The following PDE7A variants were observed in gnomAD, a reference collection of about 807,000 sequenced individuals.
The protein encoded by PDE7A is high affinity 3',5'-cyclic-AMP phosphodiesterase 7A.
Under a neutral mutation model 64.3 loss-of-function variants are expected in PDE7A, and 39 were observed. The observed-to-expected ratio is 0.61, with a 90% CI of 0.47 to 0.79. The LOEUF is 0.79. Ranked by LOEUF, PDE7A falls within the 30% of genes least tolerant of loss-of-function variation. The probability of loss-of-function intolerance (pLI) is 0.00; values close to 1 mark genes in which losing one functional copy is unlikely to be tolerated. For synonymous variants in PDE7A, 203 were observed against 206.8 expected, an observed-to-expected ratio of 0.98 and a Z score of 0.16; for missense variants, 470 against 582.8, an observed-to-expected ratio of 0.81 and a Z score of 1.99.
chr8:65,837,606 G>A (rs1425772534), intron 1 of PDE7A, among the ~76,000 whole-genome samples: 4 of 152,194 alleles, frequency 2.6e-5, no homozygotes, highest in East Asian at 1.9e-4. Flanking sequence ...AAGCAAAGGC[G>A]TCTCATCACT....
At chr8:65,763,866 G>A (rs1040738005) in intron 3 of PDE7A, among the ~76,000 whole-genome samples, 1 of 152,214 alleles carries the variant, frequency 6.6e-6, no homozygotes, top group Non-Finnish European at 1.5e-5. Context: ...CCATTAAACT[G>A]TATTAAGATT....
In PDE7A at chr8:65,718,070, T is replaced by A. The variant is rs1806212758; in HGVS notation, c.*1220A>T. ...GGGAGGGACAAGAAAACAATGCACT[T>A]TTTTCAAATCAAAACAAGAAGTTTG... On this transcript the variant is annotated 3_prime_UTR_variant, in exon 13 of 13. Transcript: ENST00000401827. The A allele has an allele frequency of 6.6e-6, 1 of 152,226 alleles. No individual in the cohort carries two copies. Among genetic ancestry groups the A allele is most frequent in the Non-Finnish European group, 1.5e-5 (1 of 68,036 alleles). 9.4% of individuals were successfully genotyped at this position (152,226 alleles called of 1,614,324 possible). A position where few individuals can be genotyped will look rare whatever the true frequency, so the allele number is the denominator to read the frequency against.
chr8:65,771,738 G>T (rs933356794), intron 3 of PDE7A, among the ~76,000 whole-genome samples: 1 of 151,960 alleles, frequency 6.6e-6, no homozygotes, highest in African/African-American at 2.4e-5. Flanking sequence ...AGCCAGGCGT[G>T]GTGGTGGGTG....
At chr8:65,751,519 CTTG>C (rs1488410783) in intron 3 of PDE7A, among the ~76,000 whole-genome samples, 1 of 150,660 alleles carries the variant, frequency 6.6e-6, no homozygotes, top group East Asian at 1.9e-4. Context: ...GTTGCCCATT[CTTG>C]TTGTTCATTC....
chr8:65,827,868 A>G (rs1451358094), intron 1 of PDE7A, among the ~76,000 whole-genome samples: 1 of 152,186 alleles, frequency 6.6e-6, no homozygotes, highest in East Asian at 1.9e-4. Context: ...ATTTATCAGT[A>G]TGTATCCTCA....
intron 12 of PDE7A, chr8:65,722,740 A>T (rs1371841006): frequency 6.6e-6 from 1 of 152,178 alleles, no homozygotes; most frequent in Non-Finnish European, 1.5e-5. Context: ...CACTCAACAC[A>T]CAGTTCTCAA....
chr8:65,810,950 A>G (rs1188973327), intron 1 of PDE7A, among the ~76,000 whole-genome samples: 1 of 152,196 alleles, frequency 6.6e-6, no homozygotes, highest in Non-Finnish European at 1.5e-5. Flanking sequence ...GCCCACATAC[A>G]ACCAATTAGG....
At chr8:65,730,933 CAG>C (rs1806858689) in intron 7 of PDE7A, among the ~76,000 whole-genome samples, 1 of 152,104 alleles carries the variant, frequency 6.6e-6, no homozygotes, top group Non-Finnish European at 1.5e-5. Context: ...AAAAACAAAA[CAG>C]AACAAAATAA....
rs1807574128 is a variant in PDE7A, at chr8:65,744,262, C to T, written c.499+1145G>A. On this transcript the variant is annotated intron_variant, in intron 5 of 12. Coordinates refer to ENST00000401827, the MANE Select transcript of PDE7A (RefSeq NM_001242318.3). ...ACAAAAAAAAACAGGCATGAAGGAA[C>T]TTTTTTAAAAATGGAAATGGAAATG... 2.0e-5 allele frequency among the ~76,000 whole-genome samples: 3 copies of T among 151,844 alleles called. No individual in the cohort carries two copies. In the East Asian group the frequency reaches 5.8e-4, roughly 29 times the overall value.
At chr8:65,811,266 G>A (rs1305853537) in intron 1 of PDE7A, among the ~76,000 whole-genome samples, 1 of 152,190 alleles carries the variant, frequency 6.6e-6, no homozygotes, top group Non-Finnish European at 1.5e-5. Context: ...TCTGGCCAGG[G>A]TGCAGCACCC....
At chr8:65,791,554 A>C (rs1479140137) in intron 1 of PDE7A, among the ~76,000 whole-genome samples, 1 of 152,214 alleles carries the variant, frequency 6.6e-6, no homozygotes, top group African/African-American at 2.4e-5. Context: ...GAAACCTCCG[A>C]TTCTCAGCAG....
intron 1 of PDE7A, among the ~76,000 whole-genome samples, chr8:65,810,974 G>A (rs917290714): frequency 2.0e-5 from 3 of 152,084 alleles, no homozygotes; most frequent in Non-Finnish European, 2.9e-5. Context: ...AAAACATAAT[G>A]AGGGAAAAAA....
intron 9 of PDE7A, 101 bp from the exon 10 acceptor site, chr8:65,725,022 T>C: frequency 6.8e-6 from 4 of 584,172 alleles, no homozygotes; most frequent in Non-Finnish European, 1.1e-5. Flanking sequence ...TATAGAACCC[T>C]AAAATATCCA....
At chr8:65,734,654 A>C (rs958080936) in intron 7 of PDE7A, 140 bp downstream of exon 7, 12 of 581,942 alleles carry the variant, frequency 2.1e-5, no homozygotes, top group Middle Eastern at 2.8e-4. Context: ...AGATTCAGAA[A>C]CTTGATCCAG....
intron 3 of PDE7A, among the ~76,000 whole-genome samples, chr8:65,768,590 T>G (rs1808918169): frequency 6.6e-6 from 1 of 152,208 alleles, no homozygotes; most frequent in Non-Finnish European, 1.5e-5. Context: ...AATCTTGGAA[T>G]GTCTTTATCA....
At chr8:65,835,304 T>C (rs77464223) in intron 1 of PDE7A, among the ~76,000 whole-genome samples, 2,387 of 152,294 alleles carry the variant, frequency 0.016, 59 homozygotes, top group African/African-American at 0.054. Context: ...AAATCAGAAA[T>C]AGATTTTACA....
At chr8:65,768,769 C>T (rs1479518752) in intron 3 of PDE7A, among the ~76,000 whole-genome samples, 2 of 152,074 alleles carry the variant, frequency 1.3e-5, no homozygotes, top group Non-Finnish European at 2.9e-5. Context: ...GTAAAAAATC[C>T]CTTTCTCAAA....
chr8:65,795,628 G>C (rs186357272), intron 1 of PDE7A, among the ~76,000 whole-genome samples: 1 of 152,136 alleles, frequency 6.6e-6, no homozygotes, highest in Admixed American at 6.5e-5. Flanking sequence ...ATGCCATACC[G>C]TTAGGAGGTA....
At chr8:65,734,549 C>T (rs1239520247) in intron 7 of PDE7A, among the ~76,000 whole-genome samples, 1 of 152,148 alleles carries the variant, frequency 6.6e-6, no homozygotes, top group Non-Finnish European at 1.5e-5. Flanking sequence ...TGCCAGCAGT[C>T]GAGGTTTCAA....
Sources: allele counts gnomAD v4.1 joint callset (sites outside exome capture counted in the v4.1 genomes callset), GRCh38; gene constraint gnomAD v4.1.1; transcripts MANE v1.5; gene names NCBI Gene and HGNC (gene_info 2026-07-23, HGNC 2026-07-21).